The following PIAS4 variants were observed in gnomAD, a reference collection of about 807,000 sequenced individuals.
The protein encoded by PIAS4 is E3 SUMO-protein ligase PIAS4.
A neutral mutation model predicts 58.0 loss-of-function variants in PIAS4; 7 were observed. That is an observed-to-expected ratio of 0.12 (90% CI 0.07 to 0.23). The LOEUF is 0.23. Ranked by LOEUF, PIAS4 falls within the 10% of genes least tolerant of loss-of-function variation. The pLI, the probability that PIAS4 is intolerant of heterozygous loss-of-function variation, is 1.00. For missense variants in PIAS4, 550 were observed against 709.5 expected (o/e 0.78, Z 2.55); for synonymous variants, 364 against 312.4 (o/e 1.17, Z -1.74).
At chr19:4,018,218 G>A (rs1346800838) in intron 2 of PIAS4, among the ~76,000 whole-genome samples, 4 of 152,232 alleles carry the variant, frequency 2.6e-5, no homozygotes, top group East Asian at 1.9e-4. Flanking sequence ...TCCGGCCGGC[G>A]CCCTGCTGCC....
chr19:4,007,812 C>T (rs2039957478), intron 1 of PIAS4, 25 bp downstream of exon 1: 2 of 1,208,926 alleles, frequency 1.7e-6, no homozygotes, highest in Non-Finnish European at 1.0e-6. Context: ...GCGGCGCCGG[C>T]CGGGGCAAGT....
intron 2 of PIAS4, among the ~76,000 whole-genome samples, chr19:4,023,513 G>C (rs867980324): frequency 6.6e-6 from 1 of 152,190 alleles, no homozygotes; most frequent in Non-Finnish European, 1.5e-5. Flanking sequence ...TTCTGACTGC[G>C]CCTCTGCCTG....
chr19:4,019,322 C>T (rs533034716), intron 2 of PIAS4, among the ~76,000 whole-genome samples: 2 of 152,262 alleles, frequency 1.3e-5, no homozygotes, highest in South Asian at 2.1e-4. Context: ...CCTCCCAGGC[C>T]CCCAGCAGAG....
In PIAS4 at chr19:4,013,810, A is replaced by G. The variant is rs1030351678; in HGVS notation, c.454+461A>G. Reference sequence around the variant, plus strand: ...CTGCACGGATTGCCTGGGCGTCCTCAGCCTGGTGGCTCCCTCACCCTAGGG... The same window carrying G: ...CTGCACGGATTGCCTGGGCGTCCTCGGCCTGGTGGCTCCCTCACCCTAGGG... On this transcript the variant is annotated intron_variant, in intron 2 of 10. Coordinates refer to ENST00000262971, the MANE Select transcript of PIAS4 (RefSeq NM_015897.4). The surrounding 1 kb of genome is among the most constrained non-coding windows in gnomAD (Gnocchi z 5.1). Among the ~76,000 whole-genome samples the G allele has an allele frequency of 6.6e-6, 1 of 152,142 alleles. No individual in the cohort carries two copies. The highest frequency in any genetic ancestry group is 1.9e-4 in the East Asian group (1 of 5,178).
chr19:4,024,549 G>A (rs1411079682), intron 3 of PIAS4, among the ~76,000 whole-genome samples: 3 of 152,214 alleles, frequency 2.0e-5, no homozygotes, highest in Non-Finnish European at 4.4e-5. Context: ...CCTGGGTTAG[G>A]GGATTCCACG....
chr19:4,037,493 T>C lies in PIAS4; in HGVS notation c.1262T>C (p.Ile421Thr). 6.2e-7 allele frequency: 1 copy of C among 1,610,468 alleles called. No homozygotes were observed. Among genetic ancestry groups the C allele is most frequent in the Non-Finnish European group, 8.5e-7 (1 of 1,179,434 alleles). The change falls in exon 10 of 11, where the codon ATC becomes ACC. Residue 421 changes from isoleucine (I) to threonine (T), a missense_variant. This residue lies in a region of PIAS4 where 188 missense variants were observed against 192.0 expected (regional missense o/e 0.98). Transcript: ENST00000262971. This position sits in a 1 kb window ranked among gnomAD's most constrained non-coding sequence, Gnocchi z 5.8. ...CGCAGCTGCAGCCCGCAGGGCGCCA[T>C]CCTCGTGCTGGGTGAGTGCCTCACC... is the stretch of plus-strand genomic sequence containing the variant. ...KERSCSPQGA[I>T]LVLGPSDANG... is the part of the protein sequence containing the mutation.
chr19:4,009,156 A>T (rs553674589), intron 1 of PIAS4, among the ~76,000 whole-genome samples: 1 of 150,534 alleles, frequency 6.6e-6, no homozygotes, highest in Non-Finnish European at 1.5e-5. Context: ...ATCCCCTTTC[A>T]CATCTTCCCT....
At position 4,037,913 on chromosome 19, in the gene PIAS4, G is replaced by A. The variant is rs774845443; in HGVS notation, c.*38G>A. The A allele has an allele frequency of 7.7e-6, 12 of 1,556,466 alleles. No individual in the cohort carries two copies. The highest frequency in any genetic ancestry group is 1.9e-5 in the Admixed American group (1 of 51,948). ...ACTCGACTTTCCTGGTGCTCACCAC[G>A]CAGAGGGGCACGGGCCAGCCTCGGG... On this transcript the variant is annotated 3_prime_UTR_variant, in exon 11 of 11. Coordinates refer to ENST00000262971, the MANE Select transcript of PIAS4 (RefSeq NM_015897.4). This position sits in a 1 kb window ranked among gnomAD's most constrained non-coding sequence, Gnocchi z 5.8.
At chr19:4,029,172 C>T in intron 7 of PIAS4, 136 bp downstream of exon 7, 3 of 653,610 alleles carry the variant, frequency 4.6e-6, no homozygotes. Context: ...GGTCCATGGC[C>T]CCCCGGCTGT....
At chr19:4,036,963 G>A (rs1035419598) in intron 9 of PIAS4, among the ~76,000 whole-genome samples, 4 of 151,912 alleles carry the variant, frequency 2.6e-5, no homozygotes, top group Admixed American at 2.0e-4. Context: ...ACATGCACAC[G>A]TGCACACACA....
intron 9 of PIAS4, among the ~76,000 whole-genome samples, chr19:4,036,285 G>A (rs111174156): frequency 1.1e-4 from 4 of 37,246 alleles, no homozygotes; most frequent in African/African-American, 1.3e-4. Context: ...GGTCTACACC[G>A]TCACACACAC....
At chr19:4,016,369 C>T (rs1034798372) in intron 2 of PIAS4, among the ~76,000 whole-genome samples, 6 of 152,230 alleles carry the variant, frequency 3.9e-5, no homozygotes, top group Non-Finnish European at 7.3e-5. Context: ...CCTGTCACCA[C>T]GACTCCAGAT....
chr19:4,013,689 A>T lies in PIAS4; in HGVS notation c.454+340A>T, dbSNP rs77996612. Among the ~76,000 whole-genome samples the T allele has an allele frequency of 2.0e-5, 3 of 152,224 alleles. No homozygotes were observed. The South Asian group carries it at 6.2e-4, about 32-fold the overall frequency. The stretch of plus-strand genomic sequence containing the variant: ...AGCCACCTCATCTGGAGGCTCGACC[A>T]GGGCTGGAGCAGGCACATCCTTGTG... On this transcript the variant is annotated intron_variant, in intron 2 of 10. Coordinates refer to ENST00000262971, the MANE Select transcript of PIAS4 (RefSeq NM_015897.4). The surrounding 1 kb of genome is among the most constrained non-coding windows in gnomAD (Gnocchi z 5.1).
chr19:4,034,593 C>A (rs891147898), intron 9 of PIAS4, among the ~76,000 whole-genome samples: 1 of 152,222 alleles, frequency 6.6e-6, no homozygotes, highest in Non-Finnish European at 1.5e-5. Context: ...AGAGAGGAGT[C>A]CTTTGGGCCG....
At chr19:4,011,690 TGG>T (rs2039994723) in intron 1 of PIAS4, among the ~76,000 whole-genome samples, 1 of 105,278 alleles carries the variant, frequency 9.5e-6, no homozygotes, top group African/African-American at 3.8e-5. Context: ...TGGAGGTGTG[TGG>T]GGTGTGGAGG....
At chr19:4,015,349 A>G (rs1023500604) in intron 2 of PIAS4, among the ~76,000 whole-genome samples, 1 of 152,026 alleles carries the variant, frequency 6.6e-6, no homozygotes, top group Non-Finnish European at 1.5e-5. Context: ...CCCACAATAC[A>G]TCGCTGTGCC....
At chr19:4,034,690 GGGGCTT>G (rs1335426149) in intron 9 of PIAS4, among the ~76,000 whole-genome samples, 7 of 152,240 alleles carry the variant, frequency 4.6e-5, no homozygotes, top group Admixed American at 4.6e-4. Flanking sequence ...GGCCCGGAGT[GGGGCTT>G]GGGCTTGGGG....
At chr19:4,032,430 A>G (rs2040231319) in intron 7 of PIAS4, among the ~76,000 whole-genome samples, 1 of 152,204 alleles carries the variant, frequency 6.6e-6, no homozygotes, top group South Asian at 2.1e-4. Flanking sequence ...GCCACATCCC[A>G]GAAGCCTCAG....
At chr19:4,033,285 C>A in intron 8 of PIAS4, 112 bp downstream of exon 8, 1 of 1,344,946 alleles carries the variant, frequency 7.4e-7, no homozygotes, top group Non-Finnish European at 1.0e-6. Context: ...GGGGGCGAGG[C>A]TGGTCTTCGT....
Sources: allele counts gnomAD v4.1 joint callset (sites outside exome capture counted in the v4.1 genomes callset), GRCh38; gene constraint gnomAD v4.1.1; regional missense constraint gnomAD v4.1.1; non-coding constraint Gnocchi (gnomAD v3.1); transcripts MANE v1.5; gene names NCBI Gene and HGNC (gene_info 2026-07-23, HGNC 2026-07-21).